The following CENPW variants were observed in gnomAD, a reference collection of about 807,000 sequenced individuals.
CENPW encodes the protein cancer-up-regulated gene 2 protein.
CENPW carries 3 observed loss-of-function variants against 11.1 expected under a neutral mutation model. That is an observed-to-expected ratio of 0.27 (90% CI 0.12 to 0.70). CENPW has a LOEUF of 0.70. Ranked by LOEUF, CENPW falls within the 30% of genes least tolerant of loss-of-function variation. CENPW has a pLI of 0.77. For synonymous variants in CENPW, 38 were observed against 42.0 expected, an observed-to-expected ratio of 0.91 and a Z score of 0.37; for missense variants, 100 against 105.6, an observed-to-expected ratio of 0.95 and a Z score of 0.23.
At chr6:126,360,877 T>C in the CENPW span, among the ~76,000 whole-genome samples, 1 of 152,332 alleles carries the variant, frequency 6.6e-6, no homozygotes, top group African/African-American at 2.4e-5. Flanking sequence ...CTCAATGAGC[T>C]TCTTTGCCAT....
chr6:126,468,636 C>T, the CENPW span, among the ~76,000 whole-genome samples: 1 of 151,702 alleles, frequency 6.6e-6, no homozygotes, highest in Non-Finnish European at 1.5e-5. Context: ...TAGGGGAAAT[C>T]GGATGCAGGG....
the CENPW span, among the ~76,000 whole-genome samples, chr6:126,397,417 G>A: frequency 6.6e-6 from 1 of 152,156 alleles, no homozygotes; most frequent in African/African-American, 2.4e-5. Flanking sequence ...CACACCATGT[G>A]GCTGGTGCCA....
chr6:126,360,282 T>C, the CENPW span, among the ~76,000 whole-genome samples: 2 of 152,192 alleles, frequency 1.3e-5, no homozygotes, highest in African/African-American at 4.8e-5. Flanking sequence ...AGATTTCTGC[T>C]GAGAGTTCCA....
Position 126,340,209 on chromosome 6 carries a change from C to T in CENPW, c.-65C>T, listed in dbSNP as rs1190034307. On this transcript the variant is annotated 5_prime_UTR_variant, in exon 1 of 3. Transcript: ENST00000368328. ...GATTGTTTTCGCTGGCCCAGTGTCC[C>T]CGGAGCTTGTGTGCGATACAGAGAG... The T allele has an allele frequency of 1.1e-5, 16 of 1,510,102 alleles. No homozygotes were observed. The highest frequency in any genetic ancestry group is 5.1e-5 in the Admixed American group (3 of 58,286). The allele number at this position is 1,510,102 out of a possible 1,614,324, so 93.5% of individuals were successfully genotyped here. A position where few individuals can be genotyped will look rare whatever the true frequency, so the allele number is the denominator to read the frequency against.
the CENPW span, among the ~76,000 whole-genome samples, chr6:126,414,810 A>G: frequency 6.6e-6 from 1 of 151,818 alleles, no homozygotes; most frequent in African/African-American, 2.4e-5. Context: ...AAAAAAAAAG[A>G]TGAAGAAAAT....
At chr6:126,474,612 C>T in the CENPW span, among the ~76,000 whole-genome samples, 4 of 152,156 alleles carry the variant, frequency 2.6e-5, no homozygotes, top group Admixed American at 6.6e-5. Flanking sequence ...CTGCTGTAAG[C>T]CACTATCATT....
the CENPW span, among the ~76,000 whole-genome samples, chr6:126,367,496 A>G: frequency 6.6e-6 from 1 of 152,116 alleles, no homozygotes; most frequent in Admixed American, 6.5e-5. Flanking sequence ...GAGGGTTGAC[A>G]ACTGGCAGAA....
At chr6:126,407,335 C>T in the CENPW span, among the ~76,000 whole-genome samples, 6 of 152,156 alleles carry the variant, frequency 3.9e-5, no homozygotes, top group East Asian at 1.9e-4. Context: ...AGTCTATTTT[C>T]GATGGGCATT....
the CENPW span, among the ~76,000 whole-genome samples, chr6:126,475,646 C>T: frequency 1.3e-5 from 2 of 151,992 alleles, no homozygotes; most frequent in Admixed American, 6.6e-5. Flanking sequence ...TCTGTTAAGT[C>T]ACTTAACCTT....
the CENPW span, among the ~76,000 whole-genome samples, chr6:126,463,084 T>A: frequency 1.3e-5 from 2 of 152,170 alleles, no homozygotes; most frequent in African/African-American, 4.8e-5. Context: ...GAGTTTTAAC[T>A]GTGGCTCTGT....
At chr6:126,392,731 A>T in the CENPW span, among the ~76,000 whole-genome samples, 2 of 151,958 alleles carry the variant, frequency 1.3e-5, no homozygotes, top group African/African-American at 2.4e-5. Context: ...ATTGATATTC[A>T]TCAGGGATAT....
At chr6:126,399,544 A>C in the CENPW span, among the ~76,000 whole-genome samples, 1 of 151,440 alleles carries the variant, frequency 6.6e-6, no homozygotes, top group Non-Finnish European at 1.5e-5. Flanking sequence ...AAATATACAC[A>C]ATTTTTTATT....
At chr6:126,342,249 A>G (rs1780327426) in intron 1 of CENPW, among the ~76,000 whole-genome samples, 1 of 152,226 alleles carries the variant, frequency 6.6e-6, no homozygotes, top group Non-Finnish European at 1.5e-5. Context: ...AGCTAGAATC[A>G]TGAAAAGACC....
the CENPW span, among the ~76,000 whole-genome samples, chr6:126,452,202 T>A: frequency 6.6e-6 from 1 of 151,198 alleles, no homozygotes; most frequent in African/African-American, 2.4e-5. Context: ...TCATAGTGTA[T>A]TATTCAAAAC....
the CENPW span, among the ~76,000 whole-genome samples, chr6:126,355,748 A>C: frequency 6.6e-6 from 1 of 152,138 alleles, no homozygotes; most frequent in Non-Finnish European, 1.5e-5. Flanking sequence ...GCGCTGTCTT[A>C]AATTATATAT....
the CENPW span, among the ~76,000 whole-genome samples, chr6:126,369,817 G>C: frequency 6.6e-6 from 1 of 152,138 alleles, no homozygotes; most frequent in Admixed American, 6.5e-5. Flanking sequence ...ATTTGCATTT[G>C]CTTTTGGGTT....
the CENPW span, among the ~76,000 whole-genome samples, chr6:126,387,989 A>T: frequency 6.8e-4 from 103 of 152,104 alleles, no homozygotes; most frequent in African/African-American, 2.2e-3. Flanking sequence ...TATTTGGCTG[A>T]ATCCACCTTA....
the CENPW span, among the ~76,000 whole-genome samples, chr6:126,378,480 A>G: frequency 6.7e-6 from 1 of 149,312 alleles, no homozygotes; most frequent in South Asian, 2.1e-4. Flanking sequence ...TTTTTTTTTT[A>G]ACTAATATTA....
At chr6:126,482,275 T>G in the CENPW span, among the ~76,000 whole-genome samples, 1 of 152,068 alleles carries the variant, frequency 6.6e-6, no homozygotes, top group Non-Finnish European at 1.5e-5. Flanking sequence ...GCCAGATAAG[T>G]GCTTTCCAGC....
Sources: gnomAD v4.1 joint callset for allele counts (sites outside exome capture counted in the v4.1 genomes callset) on GRCh38, gnomAD v4.1.1 for gene constraint, MANE v1.5 for transcripts, NCBI Gene and HGNC (gene_info 2026-07-23, HGNC 2026-07-21) for gene names.